ZBTB45: variants seen among roughly 807,000 people sequenced by gnomAD.
The protein encoded by ZBTB45 is zinc finger and BTB domain-containing protein 45.
A neutral mutation model predicts 28.4 loss-of-function variants in ZBTB45; 22 were observed. The observed-to-expected ratio is 0.77, with a 90% confidence interval of 0.55 to 1.10. ZBTB45 has a LOEUF of 1.10. Among genes scored for constraint, ZBTB45 ranks in the 50% least tolerant of loss-of-function variants. ZBTB45 has a pLI of 0.00. For synonymous variants in ZBTB45, 361 were observed against 332.3 expected, an observed-to-expected ratio of 1.09 and a Z score of -0.94; for missense variants, 656 against 750.2, an observed-to-expected ratio of 0.87 and a Z score of 1.47.
chr19:58,514,907 T>C (rs2053471239), intron 2 of ZBTB45, among the ~76,000 whole-genome samples: 2 of 152,248 alleles, frequency 1.3e-5, no homozygotes, highest in Non-Finnish European at 2.9e-5. Flanking sequence ...GAAGCCCCAG[T>C]TGCCCAGAAC....
chr19:58,516,974 G>A lies in ZBTB45; in HGVS notation c.700C>T (p.Pro234Ser). 1.2e-6 allele frequency: 2 copies of A among 1,613,262 alleles called. No individual in the cohort carries two copies. The highest frequency in any genetic ancestry group is 8.5e-7 in the Non-Finnish European group (1 of 1,180,024). The change falls in exon 2 of 3, where the codon CCT (proline) becomes TCT (serine). Residue 234 changes from proline to serine, a missense_variant. Physicochemically the swap from Pro to Ser is moderately conservative, Grantham distance 74. Coordinates refer to ENST00000594051, the MANE Select transcript of ZBTB45 (RefSeq NM_001316979.2). The surrounding 1 kb of genome is among the most constrained non-coding windows in gnomAD (Gnocchi z 6.2). The part of the protein sequence containing the change: ...EGGGPGEGQA[P>S]PSFPDCAAGF... ...GCAGCACAGTCTGGGAAGGAAGGAGGTGCCTGGCCCTCGCCTGGGCCGCCA... is the reference window on the plus strand; with the variant it reads ...GCAGCACAGTCTGGGAAGGAAGGAGATGCCTGGCCCTCGCCTGGGCCGCCA...
chr19:58,517,373 G>A lies in ZBTB45; in HGVS notation c.301C>T (p.Gln101Ter). Residue 101 changes from glutamine to a stop codon, truncating the protein, a stop_gained, in exon 2 of 3, where the codon CAG (glutamine) becomes TAG (stop). Transcript: ENST00000594051. LOFTEE classifies it high-confidence loss of function. Reference protein sequence around the residue: ...SLVVAQGEALQVLTAASVLRI... With the variant: ...SLVVAQGEAL ...AGCACTGACGCGGCCGTGAGCACCTGCAGGGCTTCACCCTGCGCCACAACG... is the reference window on the plus strand; with the variant it reads ...AGCACTGACGCGGCCGTGAGCACCTACAGGGCTTCACCCTGCGCCACAACG... 6.2e-7 allele frequency: 1 copy of A among 1,612,666 alleles called. No homozygotes were observed. Among genetic ancestry groups the A allele is most frequent in the Non-Finnish European group, 8.5e-7 (1 of 1,179,920 alleles).
intron 1 of ZBTB45, among the ~76,000 whole-genome samples, chr19:58,517,932 C>G (rs1040778748): frequency 2.1e-4 from 32 of 151,980 alleles, no homozygotes; most frequent in African/African-American, 7.0e-4. Context: ...CTAGCACACC[C>G]CTAGGAGAGG....
rs2053490506 is a variant in ZBTB45, at chr19:58,516,184, C to T, written c.1279+211G>A. On this transcript the variant is annotated intron_variant, in intron 2 of 2. Coordinates refer to ENST00000594051, the MANE Select transcript of ZBTB45 (RefSeq NM_001316979.2). This position sits in a 1 kb window ranked among gnomAD's most constrained non-coding sequence, Gnocchi z 6.2. Reference sequence around the variant, plus strand: ...GCTTCCCTACCCAGCCTCAGGATCCCCCTCCACAGAAGCCAGTGCCTGCTG... The same window carrying T: ...GCTTCCCTACCCAGCCTCAGGATCCTCCTCCACAGAAGCCAGTGCCTGCTG... 1.3e-5 allele frequency among the ~76,000 whole-genome samples: 2 copies of T among 152,140 alleles called. No individual in the cohort carries two copies. The highest frequency in any genetic ancestry group is 2.1e-4 in the South Asian group (1 of 4,830).
chr19:58,523,007 T>C (rs889440156), upstream of ZBTB45, among the ~76,000 whole-genome samples: 1 of 151,430 alleles, frequency 6.6e-6, no homozygotes, highest in Non-Finnish European at 1.5e-5. Context: ...CAGTGAAGGG[T>C]AGAAAGGGAC....
upstream of ZBTB45, among the ~76,000 whole-genome samples, chr19:58,521,374 AAAAAAAAAAAG>A (rs1000644493): frequency 4.2e-5 from 6 of 144,376 alleles, no homozygotes; most frequent in South Asian, 4.4e-4. Flanking sequence ...CTCAAAAAAA[AAAAAAAAAAAG>A]AAAGAAAGAA....
At chr19:58,536,131 G>A (rs1331051986) in intron 1 of ZBTB45, among the ~76,000 whole-genome samples, 1 of 151,810 alleles carries the variant, frequency 6.6e-6, no homozygotes, top group Non-Finnish European at 1.5e-5. Context: ...AGGCTGGAGT[G>A]CAGTGCCTGG....
In ZBTB45 at chr19:58,516,633, T is replaced by C; in HGVS notation, c.1041A>G (p.Ser347=). ...GCGCAGGGGCTGGCCCCGATGGTGC[T>C]GAAGGGGGTGGTGCGGGTGGCCCAG... ...GAPGPPAPPP[S]APSGPAPAPP... is the part of the protein sequence containing the mutation. Residue 347 remains serine (S), a synonymous_variant, in exon 2 of 3, where the codon TCA becomes TCG. Coordinates refer to ENST00000594051, the MANE Select transcript of ZBTB45 (RefSeq NM_001316979.2). The surrounding 1 kb of genome is among the most constrained non-coding windows in gnomAD (Gnocchi z 6.2). 3 of 1,559,324 alleles carry C rather than the reference T, an allele frequency of 1.9e-6. No individual in the cohort carries two copies. Among genetic ancestry groups the C allele is most frequent in the East Asian group, 2.3e-5 (1 of 44,344 alleles).
intron 1 of ZBTB45, among the ~76,000 whole-genome samples, chr19:58,533,751 A>G (rs1281717160): frequency 6.6e-6 from 1 of 152,106 alleles, no homozygotes; most frequent in Non-Finnish European, 1.5e-5. Flanking sequence ...CTTCTGCTAA[A>G]ATCTTCTGTT....
At position 58,516,566 on chromosome 19, in the gene ZBTB45, G is replaced by T. The variant is rs772980148; in HGVS notation, c.1108C>A (p.Pro370Thr). ...GGGACCTCCCCCAGCTGAGTACTGG[G>T]GGCTGCCTCGGGCTGGAGTGTGGGG... ...FYPTLQPEAA[P>T]STQLGEVPAP... The change falls in exon 2 of 3, where the codon CCC (proline) becomes ACC (threonine). Residue 370 changes from proline (P) to threonine (T), a missense_variant. Physicochemically the swap from Pro to Thr is conservative, Grantham distance 38. Around this residue, in one of 3 missense-constraint regions of ZBTB45, gnomAD observed 448 missense variants for 444.3 expected, o/e 1.01. Coordinates refer to ENST00000594051, the MANE Select transcript of ZBTB45 (RefSeq NM_001316979.2). The surrounding 1 kb of genome is among the most constrained non-coding windows in gnomAD (Gnocchi z 6.2). 9 of 1,592,492 alleles carry T rather than the reference G, an allele frequency of 5.7e-6. No individual in the cohort carries two copies. The highest frequency in any genetic ancestry group is 3.5e-5 in the Admixed American group (2 of 57,566).
intron 1 of ZBTB45, among the ~76,000 whole-genome samples, chr19:58,532,827 G>A (rs530069678): frequency 2.6e-5 from 4 of 151,746 alleles, no homozygotes; most frequent in Non-Finnish European, 5.9e-5. Context: ...GATTACAGGC[G>A]TGAGCCACCA....
At position 58,517,153 on chromosome 19, in the gene ZBTB45, C is replaced by T. The variant is rs754337547; in HGVS notation, c.521G>A (p.Arg174His). The change falls in exon 2 of 3, where the codon CGC (arginine) becomes CAC (histidine). Residue 174 changes from arginine to histidine, a missense_variant. Physicochemically the swap from Arg to His is conservative, Grantham distance 29. Coordinates refer to ENST00000594051, the MANE Select transcript of ZBTB45 (RefSeq NM_001316979.2). ...HPGAAHSRKQ[R>H]QPARLQLPAP... ...TGGCAGCTGCAAACGCGCGGGCTGGCGCTGCTTACGGCTGTGTGCAGCACC... is the reference window on the plus strand; with the variant it reads ...TGGCAGCTGCAAACGCGCGGGCTGGTGCTGCTTACGGCTGTGTGCAGCACC... 14 of 1,611,790 alleles carry T rather than the reference C, an allele frequency of 8.7e-6. No homozygotes were observed. Among genetic ancestry groups the T allele is most frequent in the South Asian group, 1.1e-5 (1 of 91,004 alleles).
Position 58,517,097 on chromosome 19 carries a change from GC to G in ZBTB45, c.576del (p.Pro193LeufsTer130). 6.2e-7 allele frequency: 1 copy of G among 1,613,078 alleles called. No individual in the cohort carries two copies. Among genetic ancestry groups the G allele is most frequent in the Non-Finnish European group, 8.5e-7 (1 of 1,179,928 alleles). ...PAPPTPAKAE[G>X]PDADPSLSAA... is the part of the protein sequence containing the mutation. ...GCGGACAGTGAGGGGTCAGCATCAG[GC>G]CCCTCAGCCTTGGCAGGTGTTGGGG... On this transcript the variant is annotated frameshift_variant, in exon 2 of 3. Coordinates refer to ENST00000594051, the MANE Select transcript of ZBTB45 (RefSeq NM_001316979.2). LOFTEE classifies it high-confidence loss of function.
chr19:58,525,122 T>C (rs566674689), intron 1 of ZBTB45, among the ~76,000 whole-genome samples: 4 of 152,274 alleles, frequency 2.6e-5, no homozygotes, highest in African/African-American at 9.6e-5. Flanking sequence ...CGGCTGTGCC[T>C]GATTCCATCT....
At chr19:58,521,949 C>G (rs1428968490), upstream of ZBTB45, among the ~76,000 whole-genome samples, 1 of 152,062 alleles carries the variant, frequency 6.6e-6, no homozygotes, top group Non-Finnish European at 1.5e-5. Context: ...CCCAGGACAG[C>G]TACTGGGTGA....
upstream of ZBTB45, among the ~76,000 whole-genome samples, chr19:58,520,853 C>G (rs1359066796): frequency 6.6e-6 from 1 of 150,626 alleles, no homozygotes; most frequent in Non-Finnish European, 1.5e-5. Flanking sequence ...GAGATCGAGA[C>G]CATCCTGACT....
chr19:58,524,905 A>G lies in ZBTB45; in HGVS notation c.1-7232T>C, dbSNP rs988006079. Among the ~76,000 whole-genome samples the G allele has an allele frequency of 5.3e-5, 8 of 151,492 alleles. No homozygotes were observed. In the East Asian group the frequency reaches 1.6e-3, roughly 30 times the overall value. ...CTCAAAAAAAAAAAACAAAAAAACA[A>G]TTCCAGGCTAAGCCCAAGGCCTGAG... is the stretch of plus-strand genomic sequence containing the variant. On this transcript the variant is annotated intron_variant, in intron 1 of 1. Coordinates refer to the ZBTB45 transcript ENST00000600130.
Position 58,517,632 on chromosome 19 carries a change from G to A in ZBTB45, c.42C>T (p.Asn14=), listed in dbSNP as rs2053529363. 6 of 1,613,906 alleles carry A rather than the reference G, an allele frequency of 3.7e-6. No homozygotes were observed. The highest frequency in any genetic ancestry group is 5.1e-6 in the Non-Finnish European group (6 of 1,179,962). ...GGGTCTCAAGCAGAGAGCGTGAGAA[G>A]TTCTGCAGGTGTATGTGATGCACAG... ...AEAVHHIHLQ[N]FSRSLLETLN... Residue 14 remains asparagine (N), a synonymous_variant, in exon 2 of 3, where the codon AAC becomes AAT. Coordinates refer to ENST00000594051, the MANE Select transcript of ZBTB45 (RefSeq NM_001316979.2).
At position 58,531,490 on chromosome 19, in the gene ZBTB45, G is replaced by A. The variant is rs117694136; in HGVS notation, c.-1+7211C>T. Among the ~76,000 whole-genome samples the A allele has an allele frequency of 1.7e-4, 26 of 152,262 alleles. No individual in the cohort carries two copies. In the East Asian group the frequency reaches 4.4e-3, roughly 26 times the overall value. ...CCTCATAACATAAGCAGATAATCCT[G>A]GGCAGTGCAGGGATTTCATTATGGG... On this transcript the variant is annotated intron_variant, in intron 1 of 1. Coordinates refer to the ZBTB45 transcript ENST00000600130.
Sources: gnomAD v4.1 joint callset for allele counts (sites outside exome capture counted in the v4.1 genomes callset) on GRCh38, gnomAD v4.1.1 for gene constraint, gnomAD v4.1.1 regional missense constraint, Gnocchi (gnomAD v3.1) non-coding constraint, MANE v1.5 for transcripts, NCBI Gene and HGNC (gene_info 2026-07-23, HGNC 2026-07-21) for gene names.